IBTK: variants seen among roughly 807,000 people sequenced by gnomAD.
IBTK encodes the protein inhibitor of Bruton tyrosine kinase, also known as BTK-binding protein.
In IBTK, 83 loss-of-function variants were observed where a neutral mutation model predicts 154.9. The observed-to-expected ratio is 0.54, with a 90% CI of 0.45 to 0.64. The LOEUF (loss-of-function observed/expected upper bound fraction) is 0.64. Among genes scored for constraint, IBTK ranks in the 30% least tolerant of loss-of-function variants. The pLI is 0.00. For missense variants in IBTK, 1,332 were observed against 1,584.6 expected (o/e 0.84, Z 2.71); for synonymous variants, 515 against 536.1 (o/e 0.96, Z 0.54).
intron 21 of IBTK, among the ~76,000 whole-genome samples, chr6:82,199,019 A>G (rs545048899): frequency 6.6e-6 from 1 of 152,244 alleles, no homozygotes; most frequent in African/African-American, 2.4e-5. Flanking sequence ...AAAAAAAAAG[A>G]CTATAAAAAC....
At position 82,240,336 on chromosome 6, in the gene IBTK, A is replaced by T; in HGVS notation, c.151T>A (p.Phe51Ile). Residue 51 changes from phenylalanine (F) to isoleucine (I), a missense_variant, in exon 2 of 29, where the codon TTT becomes ATT. Phe to Ile is a conservative substitution (Grantham distance 21). Transcript: ENST00000306270. ...ACAAGGTGGAGGGCATTCCTGCCAA[A>T]AACATCCTTGATAGTTGCAGCATTG... ...CYNAATIKDV[F>I]GRNALHLVSS... The T allele has an allele frequency of 6.2e-7, 1 of 1,614,202 alleles. No individual in the cohort carries two copies. The highest frequency in any genetic ancestry group is 1.1e-5 in the South Asian group (1 of 91,084).
chr6:82,213,864 A>G (rs1769752459), intron 12 of IBTK, among the ~76,000 whole-genome samples: 1 of 152,140 alleles, frequency 6.6e-6, no homozygotes, highest in Non-Finnish European at 1.5e-5. Flanking sequence ...AGAGAGAGGA[A>G]GAGGAGGGGA....
chr6:82,236,961 GC>G (rs1770739600), intron 2 of IBTK, among the ~76,000 whole-genome samples: 1 of 152,224 alleles, frequency 6.6e-6, no homozygotes, highest in Admixed American at 6.5e-5. Flanking sequence ...TCACTGATCA[GC>G]AGGGCTCTGA....
chr6:82,220,886 A>AG (rs71545824), intron 8 of IBTK, among the ~76,000 whole-genome samples, 173 bp from the exon 9 acceptor site: 3 of 149,542 alleles, frequency 2.0e-5, no homozygotes, highest in Admixed American at 6.7e-5. Context: ...TTCCCCTACA[A>AG]GGGGGCTGTT....
chr6:82,227,308 G>A lies in IBTK; in HGVS notation c.544-6C>T. On this transcript the variant is annotated splice_polypyrimidine_tract_variant and splice_region_variant and intron_variant, in intron 4 of 28. Coordinates refer to ENST00000306270, the MANE Select transcript of IBTK (RefSeq NM_015525.4). ...TGAAATTTACAAAGCACCACCTAAG[G>A]GAAAACAAGAGAATATTATTAAACT... 2 of 1,524,646 alleles carry A rather than the reference G, an allele frequency of 1.3e-6. No homozygotes were observed. Among genetic ancestry groups the A allele is most frequent in the Non-Finnish European group, 9.0e-7 (1 of 1,116,778 alleles). The allele number at this position is 1,524,646 out of a possible 1,614,324, so 94.4% of individuals were successfully genotyped here.
At chr6:82,173,000 CTTTTT>C (rs59205005) in intron 27 of IBTK, 18 of 149,034 alleles carry the variant, frequency 1.2e-4, no homozygotes, top group African/African-American at 3.0e-4. Flanking sequence ...CTCTTATTCT[CTTTTT>C]TTTTTTTTTT....
intron 23 of IBTK, among the ~76,000 whole-genome samples, chr6:82,192,865 C>T (rs1013592037): frequency 6.6e-6 from 1 of 151,820 alleles, no homozygotes; most frequent in Non-Finnish European, 1.5e-5. Context: ...TTTGGGAGGC[C>T]GAGGTGGGCG....
intron 23 of IBTK, among the ~76,000 whole-genome samples, chr6:82,193,434 A>G (rs1219217188): frequency 6.6e-6 from 1 of 152,200 alleles, no homozygotes; most frequent in Non-Finnish European, 1.5e-5. Flanking sequence ...TATGCAAAAA[A>G]AAAAATTGAA....
chr6:82,246,642 T>C (rs192399095), intron 1 of IBTK, among the ~76,000 whole-genome samples: 157 of 152,242 alleles, frequency 1.0e-3, no homozygotes, highest in Non-Finnish European at 4.0e-4. Context: ...TGACTAAAGC[T>C]TCTGCAAATA....
intron 23 of IBTK, among the ~76,000 whole-genome samples, chr6:82,194,022 A>G (rs1444260882): frequency 6.6e-6 from 1 of 152,106 alleles, no homozygotes; most frequent in East Asian, 1.9e-4. Context: ...ATATATATAT[A>G]ATATAGGCAA....
intron 9 of IBTK, among the ~76,000 whole-genome samples, chr6:82,219,307 T>C (rs1041134648): frequency 6.6e-6 from 1 of 152,180 alleles, no homozygotes; most frequent in Non-Finnish European, 1.5e-5. Context: ...ACTATTAAAA[T>C]CATCTTCATT....
Position 82,247,727 on chromosome 6 carries a change from G to A in IBTK, c.-523C>T. The stretch of plus-strand genomic sequence containing the variant: ...CGGCTGCAATACAGCCGCTACTACA[G>A]GAATCGGGAACGGGGATGTAGAGGA... On this transcript the variant is annotated 5_prime_UTR_variant, in exon 1 of 29. Coordinates refer to ENST00000306270, the MANE Select transcript of IBTK (RefSeq NM_015525.4). 1 of 398,190 alleles carries A rather than the reference G, an allele frequency of 2.5e-6. No individual in the cohort carries two copies. The highest frequency in any genetic ancestry group is 4.4e-6 in the Non-Finnish European group (1 of 225,960). 24.7% of individuals were successfully genotyped at this position (398,190 alleles called of 1,614,324 possible). A position where few individuals can be genotyped will look rare whatever the true frequency, so the allele number is the denominator to read the frequency against.
chr6:82,236,751 T>C (rs1476720125), intron 2 of IBTK, among the ~76,000 whole-genome samples: 1 of 152,170 alleles, frequency 6.6e-6, no homozygotes, highest in Non-Finnish European at 1.5e-5. Context: ...ATACCTGAAG[T>C]GCTACAGCTG....
At chr6:82,227,939 CCT>C (rs1562101990) in intron 4 of IBTK, among the ~76,000 whole-genome samples, 3 of 151,850 alleles carry the variant, frequency 2.0e-5, no homozygotes, top group African/African-American at 7.2e-5. Flanking sequence ...CTCCCTTGCC[CCT>C]GATACACAGA....
chr6:82,201,592 T>A, intron 18 of IBTK, 110 bp from the exon 19 acceptor site: 1 of 694,940 alleles, frequency 1.4e-6, no homozygotes, highest in South Asian at 2.2e-5. Context: ...CAAAGTTATT[T>A]TTTAAGCATT....
chr6:82,238,946 C>T (rs1770838344), intron 2 of IBTK, among the ~76,000 whole-genome samples: 1 of 151,442 alleles, frequency 6.6e-6, no homozygotes, highest in Admixed American at 6.6e-5. Context: ...ACTATGTTGG[C>T]CAGGCTTGTC....
At chr6:82,239,268 C>T (rs1305085233) in intron 2 of IBTK, among the ~76,000 whole-genome samples, 3 of 151,384 alleles carry the variant, frequency 2.0e-5, no homozygotes, top group African/African-American at 4.9e-5. Context: ...GGTGAAACCC[C>T]ATCTCTACTA....
intron 22 of IBTK, among the ~76,000 whole-genome samples, chr6:82,195,412 C>T (rs1026146778): frequency 3.9e-5 from 6 of 151,960 alleles, no homozygotes; most frequent in African/African-American, 1.5e-4. Context: ...CCCATCTCTA[C>T]TAAAAATATA....
At chr6:82,176,561 C>A (rs372991555) in intron 26 of IBTK, among the ~76,000 whole-genome samples, 2 of 148,840 alleles carry the variant, frequency 1.3e-5, no homozygotes, top group African/African-American at 4.9e-5. Context: ...CTTACATTTT[C>A]TTTCCAGAAT....
Sources: gnomAD v4.1 joint callset for allele counts (sites outside exome capture counted in the v4.1 genomes callset) on GRCh38, gnomAD v4.1.1 for gene constraint, MANE v1.5 for transcripts, NCBI Gene and HGNC (gene_info 2026-07-23, HGNC 2026-07-21) for gene names.